The following ASH1L variants were observed in gnomAD, a reference collection of about 807,000 sequenced individuals.
The protein encoded by ASH1L is histone-lysine N-methyltransferase ASH1L.
Under a neutral mutation model 269.0 loss-of-function variants are expected in ASH1L, and 23 were observed. That is an observed-to-expected ratio of 0.09 (90% CI 0.06 to 0.12). The LOEUF is 0.12. ASH1L is among the 10% of genes least tolerant of loss of function. ASH1L has a pLI of 1.00. For synonymous variants in ASH1L, 1,187 were observed against 1,253.5 expected (o/e 0.95, Z 1.12); for missense variants, 2,912 against 3,567.8 (o/e 0.82, Z 4.68).
chr1:155,497,532 T>C (rs899278906), intron 2 of ASH1L, among the ~76,000 whole-genome samples: 8 of 152,204 alleles, frequency 5.3e-5, no homozygotes, highest in Non-Finnish European at 1.2e-4. Context: ...TTTAAGAATA[T>C]AGTACATAAT....
intron 1 of ASH1L, among the ~76,000 whole-genome samples, chr1:155,545,783 G>A (rs1289478063): frequency 6.6e-6 from 1 of 152,150 alleles, no homozygotes; most frequent in Non-Finnish European, 1.5e-5. Context: ...CACTTTGGGA[G>A]GCTGAGGCAG....
At chr1:155,384,023 CTT>C (rs1657205332) in intron 7 of ASH1L, among the ~76,000 whole-genome samples, 1 of 152,106 alleles carries the variant, frequency 6.6e-6, no homozygotes, top group Non-Finnish European at 1.5e-5. Context: ...TGAATTGTAT[CTT>C]AATAAAGTTG....
At chr1:155,380,191 G>T in intron 7 of ASH1L, 75 bp from the exon 8 acceptor site, 1 of 1,082,522 alleles carries the variant, frequency 9.2e-7, no homozygotes, top group Non-Finnish European at 1.4e-6. Context: ...ACAGCTACAA[G>T]AACTAACATG....
chr1:155,361,043 C>T (rs553939892), intron 12 of ASH1L, among the ~76,000 whole-genome samples: 8 of 151,704 alleles, frequency 5.3e-5, no homozygotes, highest in South Asian at 4.2e-4. Context: ...GAGTTTGAGA[C>T]CAGCGTGGCC....
chr1:155,427,738 C>T (rs750773941), intron 5 of ASH1L, among the ~76,000 whole-genome samples: 1 of 152,112 alleles, frequency 6.6e-6, no homozygotes, highest in Non-Finnish European at 1.5e-5. Context: ...TGCACCCGGC[C>T]CCTGATACAG....
chr1:155,480,879 G>C lies in ASH1L; in HGVS notation c.1991C>G (p.Thr664Ser). The C allele has an allele frequency of 6.2e-7, 1 of 1,613,980 alleles. No homozygotes were observed. Among genetic ancestry groups the C allele is most frequent in the Non-Finnish European group, 8.5e-7 (1 of 1,179,962 alleles). ...PSLTSESSIH[T>S]ITPSVVNFTS... is the part of the protein sequence containing the mutation. Reference sequence around the variant, plus strand: ...GAAGTTAACAACTGAAGGAGTAATAGTATGAATGCTGGATTCAGAAGTCAA... The same window carrying C: ...GAAGTTAACAACTGAAGGAGTAATACTATGAATGCTGGATTCAGAAGTCAA... The change falls in exon 3 of 28, where the codon ACT (threonine) becomes AGT (serine). Residue 664 changes from threonine to serine, a missense_variant. By Grantham distance (58) the Thr-to-Ser change is moderately conservative (BLOSUM62 1). This residue lies in a region of ASH1L where 715 missense variants were observed against 721.0 expected (regional missense o/e 0.99). Transcript: ENST00000392403.
At chr1:155,429,952 C>A (rs937911231) in intron 5 of ASH1L, among the ~76,000 whole-genome samples, 4 of 151,516 alleles carry the variant, frequency 2.6e-5, no homozygotes, top group Non-Finnish European at 4.4e-5. Flanking sequence ...ACTACAGGCA[C>A]ACATCAGCAC....
intron 2 of ASH1L, among the ~76,000 whole-genome samples, chr1:155,491,976 T>A (rs1333019588): frequency 6.6e-6 from 1 of 151,708 alleles, no homozygotes; most frequent in African/African-American, 2.4e-5. Flanking sequence ...CCCAGCTCTC[T>A]TTTTTTCATT....
At chr1:155,382,406 G>A (rs1170237370) in intron 7 of ASH1L, among the ~76,000 whole-genome samples, 2 of 152,158 alleles carry the variant, frequency 1.3e-5, no homozygotes, top group Non-Finnish European at 2.9e-5. Flanking sequence ...GCTGAGGCAG[G>A]AGAATGGTGT....
intron 3 of ASH1L, among the ~76,000 whole-genome samples, chr1:155,467,555 T>C (rs2148693022): frequency 6.6e-6 from 1 of 152,340 alleles, no homozygotes; most frequent in East Asian, 1.9e-4. Context: ...GTGAATATAC[T>C]TGTTTACTTT....
intron 2 of ASH1L, among the ~76,000 whole-genome samples, chr1:155,491,246 T>G (rs72993494): frequency 1.6e-3 from 242 of 152,212 alleles, no homozygotes; most frequent in African/African-American, 5.7e-3. Flanking sequence ...TCACCTACTA[T>G]TCTTCTTGAA....
At chr1:155,340,371 TG>T (rs1261964323) in intron 25 of ASH1L, among the ~76,000 whole-genome samples, 1 of 151,648 alleles carries the variant, frequency 6.6e-6, no homozygotes, top group Non-Finnish European at 1.5e-5. Context: ...TTAGTAGAGA[TG>T]GGGTTTCACC....
Position 155,337,664 on chromosome 1 carries a change from T to C in ASH1L, c.8891A>G (p.Lys2964Arg). 1 of 1,613,522 alleles carries C rather than the reference T, an allele frequency of 6.2e-7. No individual in the cohort carries two copies. Among genetic ancestry groups the C allele is most frequent in the South Asian group, 1.1e-5 (1 of 91,078 alleles). ...TLFIPENSFR[K>R] ...GAGGTTCTCATTCTTTGAGGGTCAC[T>C]TTCGAAAGCTGTTTTCTGGGATAAA... The change falls in exon 28 of 28, where the codon AAG becomes AGG. Residue 2964 changes from lysine to arginine, a missense_variant. Around this residue, in one of 13 missense-constraint regions of ASH1L, gnomAD observed 154 missense variants for 165.0 expected, o/e 0.93. Coordinates refer to ENST00000392403, the MANE Select transcript of ASH1L (RefSeq NM_018489.3).
chr1:155,367,631 T>A (rs1655552792), intron 12 of ASH1L, among the ~76,000 whole-genome samples: 1 of 152,200 alleles, frequency 6.6e-6, no homozygotes. Context: ...TCCTTTTTAT[T>A]CCTAGTTTGC....
Position 155,416,846 on chromosome 1 carries a change from C to T in ASH1L, c.5829-923G>A, listed in dbSNP as rs376716521. ...TGTGCCCAGCCCCACCTTGCCTTTC[C>T]TTTCCTTCCTTTTCTTCCTTTCCTT... On this transcript the variant is annotated intron_variant, in intron 5 of 27. Transcript: ENST00000392403. Among the ~76,000 whole-genome samples the T allele has an allele frequency of 2.3e-4, 34 of 149,946 alleles. No individual in the cohort carries two copies. The South Asian group carries it at 7.0e-3, about 31-fold the overall frequency.
intron 4 of ASH1L, among the ~76,000 whole-genome samples, chr1:155,446,714 T>C (rs1663064530): frequency 6.7e-6 from 1 of 149,496 alleles, no homozygotes; most frequent in Non-Finnish European, 1.5e-5. Flanking sequence ...CTCCGCCTCC[T>C]GGGTTCACAC....
chr1:155,354,689 T>C (rs1163650340), intron 15 of ASH1L, 59 bp from the exon 16 acceptor site: 2 of 1,528,638 alleles, frequency 1.3e-6, no homozygotes, highest in East Asian at 4.5e-5. Context: ...ATGTATTACA[T>C]GTCTACTCTA....
chr1:155,550,564 C>A (rs1671128151), intron 1 of ASH1L, among the ~76,000 whole-genome samples: 1 of 152,156 alleles, frequency 6.6e-6, no homozygotes, highest in Non-Finnish European at 1.5e-5. Flanking sequence ...TGTCTCAGGG[C>A]TTATGCTCAT....
In ASH1L at chr1:155,354,596, G is replaced by T. The variant is rs1553244285; in HGVS notation, c.7090C>A (p.Arg2364=). 1.9e-6 allele frequency: 3 copies of T among 1,613,288 alleles called. No homozygotes were observed. Among genetic ancestry groups the T allele is most frequent in the Non-Finnish European group, 2.5e-6 (3 of 1,179,834 alleles). The part of the protein sequence containing the change: ...FVLKHHVFLV[R]NWEKIRQKQE... The stretch of plus-strand genomic sequence containing the variant: ...TTTTGACGAATCTTCTCCCAGTTTC[G>T]GACCAAGAATACATGATGCTTTAAC... Residue 2364 remains arginine, a synonymous_variant, in exon 16 of 28, where the codon CGA becomes AGA. Coordinates refer to ENST00000392403, the MANE Select transcript of ASH1L (RefSeq NM_018489.3).
Sources: gnomAD v4.1 joint callset for allele counts (sites outside exome capture counted in the v4.1 genomes callset) on GRCh38, gnomAD v4.1.1 for gene constraint, gnomAD v4.1.1 regional missense constraint, MANE v1.5 for transcripts, NCBI Gene and HGNC (gene_info 2026-07-23, HGNC 2026-07-21) for gene names.